The following GPC5 variants were observed in gnomAD, a reference collection of about 807,000 sequenced individuals.
The protein encoded by GPC5 is glypican-5.
Under a neutral mutation model 53.9 loss-of-function variants are expected in GPC5, and 47 were observed. The observed-to-expected ratio is 0.87, with a 90% CI of 0.69 to 1.11. The LOEUF (loss-of-function observed/expected upper bound fraction) is 1.11, where lower values mean the gene tolerates loss of function less well. Ranked by LOEUF, GPC5 falls within the 50% of genes most tolerant of loss-of-function variation. The pLI is 0.00. For synonymous variants in GPC5, 286 were observed against 263.3 expected, an observed-to-expected ratio of 1.09 and a Z score of -0.84; for missense variants, 748 against 713.1, an observed-to-expected ratio of 1.05 and a Z score of -0.56.
At chr13:91,789,655 G>C (rs548775991) in intron 5 of GPC5, among the ~76,000 whole-genome samples, 2 of 152,154 alleles carry the variant, frequency 1.3e-5, no homozygotes, top group Non-Finnish European at 2.9e-5. Context: ...TACAGACAAT[G>C]TAAAGGGCTT....
intron 2 of GPC5, among the ~76,000 whole-genome samples, chr13:91,464,932 G>A (rs1412405754): frequency 6.6e-6 from 1 of 152,160 alleles, no homozygotes; most frequent in African/African-American, 2.4e-5. Context: ...CCCTGGGGGA[G>A]GCTGAGTAAA....
At chr13:92,555,609 T>C (rs1021241014) in intron 7 of GPC5, among the ~76,000 whole-genome samples, 1 of 150,112 alleles carries the variant, frequency 6.7e-6, no homozygotes, top group African/African-American at 2.4e-5. Context: ...TATAAATATA[T>C]AATATAAGAT....
chr13:91,538,494 TA>T (rs1730753864), intron 2 of GPC5, among the ~76,000 whole-genome samples: 1 of 152,158 alleles, frequency 6.6e-6, no homozygotes, highest in African/African-American at 2.4e-5. Flanking sequence ...GTACATGTAA[TA>T]TTTTTTAGAT....
intron 6 of GPC5, among the ~76,000 whole-genome samples, chr13:91,983,235 A>G (rs923289514): frequency 6.6e-6 from 1 of 152,068 alleles, no homozygotes. Flanking sequence ...AGTCCCAGCT[A>G]CTTGGGAGGC....
At chr13:91,933,588 C>A (rs187756864) in intron 6 of GPC5, among the ~76,000 whole-genome samples, 2 of 151,856 alleles carry the variant, frequency 1.3e-5, no homozygotes, top group African/African-American at 4.8e-5. Flanking sequence ...TAAAAGGTAC[C>A]GAAACATATA....
chr13:92,419,210 G>T (rs958329520), intron 7 of GPC5, among the ~76,000 whole-genome samples: 2 of 152,048 alleles, frequency 1.3e-5, no homozygotes, highest in African/African-American at 4.8e-5. Flanking sequence ...ACAAATCTTA[G>T]CTCTCATGAC....
chr13:91,689,511 A>T (rs1033121262), intron 2 of GPC5, among the ~76,000 whole-genome samples: 6 of 151,146 alleles, frequency 4.0e-5, no homozygotes, highest in Admixed American at 6.6e-5. Flanking sequence ...TTTTTAAAAA[A>T]CTTTTTGATT....
intron 1 of GPC5, among the ~76,000 whole-genome samples, chr13:91,406,582 G>C (rs141537158): frequency 6.6e-6 from 1 of 152,176 alleles, no homozygotes; most frequent in Non-Finnish European, 1.5e-5. Context: ...CATAGATAAA[G>C]TAAACTCTGG....
At chr13:92,169,164 C>T (rs998086487) in intron 7 of GPC5, among the ~76,000 whole-genome samples, 1 of 152,064 alleles carries the variant, frequency 6.6e-6, no homozygotes, top group Non-Finnish European at 1.5e-5. Context: ...GAACAACATA[C>T]ACTGGAGCCT....
At chr13:91,824,296 T>G (rs937417296) in intron 5 of GPC5, among the ~76,000 whole-genome samples, 1 of 152,072 alleles carries the variant, frequency 6.6e-6, no homozygotes, top group Non-Finnish European at 1.5e-5. Context: ...TATGATGGCA[T>G]GAAATTTTGA....
At chr13:91,546,872 G>A (rs1165470118) in intron 2 of GPC5, among the ~76,000 whole-genome samples, 2 of 152,222 alleles carry the variant, frequency 1.3e-5, no homozygotes. Context: ...AGTGGATACA[G>A]TGGTTAGGTA....
chr13:91,777,667 T>G (rs570835879), intron 5 of GPC5, among the ~76,000 whole-genome samples: 19 of 152,324 alleles, frequency 1.2e-4, no homozygotes, highest in African/African-American at 4.1e-4. Flanking sequence ...GTCCTTGATG[T>G]AAAGATGGAA....
intron 2 of GPC5, among the ~76,000 whole-genome samples, chr13:91,519,919 T>C (rs879024507): frequency 6.6e-6 from 1 of 151,592 alleles, no homozygotes; most frequent in Non-Finnish European, 1.5e-5. Flanking sequence ...AAAGAACTTA[T>C]CAAAAAAAAT....
intron 5 of GPC5, among the ~76,000 whole-genome samples, chr13:91,819,151 CTTTTTTTTTTT>C (rs386380203): frequency 1.4e-4 from 8 of 58,046 alleles, no homozygotes; most frequent in Admixed American, 6.2e-4. Flanking sequence ...AAAATATGCG[CTTTTTTTTTTT>C]TTTTTTTTTT....
At chr13:92,515,496 G>T (rs187275664) in intron 7 of GPC5, among the ~76,000 whole-genome samples, 1 of 152,264 alleles carries the variant, frequency 6.6e-6, no homozygotes, top group African/African-American at 2.4e-5. Flanking sequence ...TGCTTGGGAA[G>T]GTGGCATTTT....
chr13:91,959,843 T>C (rs956861157), intron 6 of GPC5, among the ~76,000 whole-genome samples: 2 of 151,952 alleles, frequency 1.3e-5, no homozygotes, highest in Non-Finnish European at 2.9e-5. Context: ...ATCAACAGAA[T>C]TAGGGACAAA....
At chr13:91,545,716 A>G (rs2030246114) in intron 2 of GPC5, among the ~76,000 whole-genome samples, 1 of 152,020 alleles carries the variant, frequency 6.6e-6, no homozygotes, top group Admixed American at 6.6e-5. Context: ...TCCTCCACCT[A>G]GCCCCTAGCA....
chr13:92,431,376 C>T (rs186188872), intron 7 of GPC5, among the ~76,000 whole-genome samples: 1 of 130,550 alleles, frequency 7.7e-6, no homozygotes, highest in East Asian at 2.5e-4. Flanking sequence ...ATATGTGAGA[C>T]ATTAAAGACA....
chr13:91,630,117 AAC>A (rs1199762232), intron 2 of GPC5, among the ~76,000 whole-genome samples: 1 of 152,174 alleles, frequency 6.6e-6, no homozygotes, highest in Non-Finnish European at 1.5e-5. Context: ...AAAAACAACA[AAC>A]ACACTTCAAA....
Sources: allele counts gnomAD v4.1 joint callset (sites outside exome capture counted in the v4.1 genomes callset), GRCh38; gene constraint gnomAD v4.1.1; transcripts MANE v1.5; gene names NCBI Gene and HGNC (gene_info 2026-07-23, HGNC 2026-07-21).